The following ARHGAP26 variants were observed in gnomAD, a reference collection of about 807,000 sequenced individuals.
ARHGAP26 encodes rho GTPase-activating protein 26.
Under a neutral mutation model 104.8 loss-of-function variants are expected in ARHGAP26, and 38 were observed. The observed-to-expected ratio is 0.36, with a 90% CI of 0.28 to 0.48. The LOEUF (loss-of-function observed/expected upper bound fraction) is 0.48, where lower values mean the gene tolerates loss of function less well. ARHGAP26 is among the 20% of genes least tolerant of loss of function. The probability of loss-of-function intolerance (pLI) is 0.99; values close to 1 mark genes in which losing one functional copy is unlikely to be tolerated. For synonymous variants in ARHGAP26, 341 were observed against 340.0 expected (o/e 1.00, Z -0.03); for missense variants, 704 against 947.9 (o/e 0.74, Z 3.38).
rs1369974932 is a variant in ARHGAP26 at position 143,227,787 on chromosome 5, A to G, written c.*5341A>G. On this transcript the variant is annotated 3_prime_UTR_variant, in exon 23 of 23. Transcript: ENST00000645722. ...AAAGTAACACCAGGACTAGAGAGAA[A>G]GAGAAAGGTGAACCATCCTAAGGAG... The G allele has an allele frequency of 4.5e-6, 1 of 224,224 alleles. No homozygotes were observed. Among genetic ancestry groups the G allele is most frequent in the Non-Finnish European group, 8.9e-6 (1 of 112,592 alleles). The allele number at this position is 224,224 out of a possible 1,614,324, so 13.9% of individuals were successfully genotyped here. A position where few individuals can be genotyped will look rare whatever the true frequency, so the allele number is the denominator to read the frequency against.
At chr5:143,154,062 C>T (rs1263068817) in intron 20 of ARHGAP26, among the ~76,000 whole-genome samples, 2 of 151,384 alleles carry the variant, frequency 1.3e-5, no homozygotes, top group East Asian at 1.9e-4. Flanking sequence ...TAATCTTCCA[C>T]TTTAGTTGGT....
chr5:143,019,402 G>T (rs1038168604), intron 12 of ARHGAP26, among the ~76,000 whole-genome samples: 1 of 151,904 alleles, frequency 6.6e-6, no homozygotes, highest in Admixed American at 6.5e-5. Flanking sequence ...CATCTCACCC[G>T]CTGCAGCCCC....
At chr5:143,086,252 C>A (rs1790571539) in intron 17 of ARHGAP26, among the ~76,000 whole-genome samples, 1 of 152,212 alleles carries the variant, frequency 6.6e-6, no homozygotes, top group African/African-American at 2.4e-5. Context: ...TAGAAAACTT[C>A]CAGTCCCCTC....
rs993353386 is a variant in ARHGAP26 at position 142,954,818 on chromosome 5, T to C, written c.1107+22693T>C. Among the ~76,000 whole-genome samples the C allele has an allele frequency of 6.6e-5, 10 of 152,002 alleles. No individual in the cohort carries two copies. In the East Asian group the frequency reaches 1.9e-3, roughly 29 times the overall value. Reference sequence around the variant, plus strand: ...AGACACTGCAGTATCTGTCTAAGGGTTTTTCTTTGTTTAGGAATGTGCAGT... The same window carrying C: ...AGACACTGCAGTATCTGTCTAAGGGCTTTTCTTTGTTTAGGAATGTGCAGT... On this transcript the variant is annotated intron_variant, in intron 11 of 22. Coordinates refer to ENST00000645722, the MANE Select transcript of ARHGAP26 (RefSeq NM_001135608.3).
At chr5:143,096,741 A>G (rs905736293) in intron 17 of ARHGAP26, among the ~76,000 whole-genome samples, 2 of 151,528 alleles carry the variant, frequency 1.3e-5, no homozygotes, top group African/African-American at 4.9e-5. Flanking sequence ...GACTATTGGT[A>G]TAACTTGGTA....
At chr5:142,772,962 T>A in intron 1 of ARHGAP26, 1 of 523,018 alleles carries the variant, frequency 1.9e-6, no homozygotes, top group Non-Finnish European at 3.9e-6. Flanking sequence ...AGCTGTCTAA[T>A]GGAATGGATC....
chr5:143,094,860 G>A (rs1265524887), intron 17 of ARHGAP26, among the ~76,000 whole-genome samples: 1 of 152,086 alleles, frequency 6.6e-6, no homozygotes, highest in African/African-American at 2.4e-5. Context: ...GAATGAGTCG[G>A]GGTGGAGCAG....
chr5:142,814,028 AGTTGGCT>A (rs1764636135), intron 1 of ARHGAP26, among the ~76,000 whole-genome samples: 3 of 152,242 alleles, frequency 2.0e-5, no homozygotes, highest in African/African-American at 7.2e-5. Flanking sequence ...GGCTTAGGCA[AGTTGGCT>A]GTTCCTCAGG....
intron 11 of ARHGAP26, among the ~76,000 whole-genome samples, chr5:143,003,097 G>A (rs79605230): frequency 0.011 from 1,719 of 152,290 alleles, 32 homozygotes; most frequent in African/African-American, 0.039. Context: ...CGGGGTAGCG[G>A]AGGAGAAGCA....
At chr5:142,929,264 T>C (rs1205223826) in intron 10 of ARHGAP26, among the ~76,000 whole-genome samples, 1 of 152,146 alleles carries the variant, frequency 6.6e-6, no homozygotes, top group Non-Finnish European at 1.5e-5. Context: ...CTCTCTTCTC[T>C]GTCTCCCCTG....
At chr5:143,056,761 G>A (rs937602092) in intron 16 of ARHGAP26, among the ~76,000 whole-genome samples, 1 of 152,062 alleles carries the variant, frequency 6.6e-6, no homozygotes, top group African/African-American at 2.4e-5. Flanking sequence ...TTATTATGTC[G>A]ATAACTTGTG....
chr5:143,226,157 TC>T lies in ARHGAP26; in HGVS notation c.*3713del, dbSNP rs546780041. ...GGTATTAAGGTCAGCCTCTCACTCT[TC>T]CTTCAGGTTACTAACAAAATTTCGT... On this transcript the variant is annotated 3_prime_UTR_variant, in exon 23 of 23. Coordinates refer to ENST00000645722, the MANE Select transcript of ARHGAP26 (RefSeq NM_001135608.3). 2.1e-5 allele frequency: 4 copies of T among 190,296 alleles called. No homozygotes were observed. Among genetic ancestry groups the T allele is most frequent in the Non-Finnish European group, 3.3e-5 (3 of 90,744 alleles). The allele number at this position is 190,296 out of a possible 1,614,324, so 11.8% of individuals were successfully genotyped here.
At chr5:143,009,204 T>G (rs1298709622) in intron 11 of ARHGAP26, among the ~76,000 whole-genome samples, 2 of 152,222 alleles carry the variant, frequency 1.3e-5, no homozygotes, top group East Asian at 3.9e-4. Flanking sequence ...AGAAGGCTGT[T>G]CCCAGTTTCA....
chr5:143,065,326 C>A (rs766770717), intron 17 of ARHGAP26, among the ~76,000 whole-genome samples: 1 of 152,154 alleles, frequency 6.6e-6, no homozygotes, highest in Non-Finnish European at 1.5e-5. Context: ...TCTCTTGCTG[C>A]ATCCTCTTTG....
chr5:143,037,111 T>C (rs536680264), intron 12 of ARHGAP26, 85 bp from the exon 13 acceptor site: 97 of 992,296 alleles, frequency 9.8e-5, no homozygotes, highest in Non-Finnish European at 1.2e-4. Context: ...CAGCATGCGA[T>C]TGATTCATCC....
chr5:142,878,613 T>C (rs1338006553), intron 3 of ARHGAP26, among the ~76,000 whole-genome samples: 3 of 151,936 alleles, frequency 2.0e-5, no homozygotes, highest in East Asian at 1.9e-4. Flanking sequence ...GGGAGGGAAG[T>C]TGAGTTATGT....
At chr5:143,020,080 A>G (rs930029922) in intron 12 of ARHGAP26, among the ~76,000 whole-genome samples, 2 of 151,970 alleles carry the variant, frequency 1.3e-5, no homozygotes, top group African/African-American at 4.8e-5. Context: ...TTTTCCTGTT[A>G]CTCCCACCTG....
At chr5:143,176,014 C>T (rs1803427988) in intron 20 of ARHGAP26, among the ~76,000 whole-genome samples, 1 of 151,858 alleles carries the variant, frequency 6.6e-6, no homozygotes, top group Admixed American at 6.6e-5. Flanking sequence ...CTCAGGAGGC[C>T]GAGGCATGGG....
At position 142,894,970 on chromosome 5, in the gene ARHGAP26, CTTTAG is replaced by C. The variant is rs1324832964; in HGVS notation, c.597+628_597+632del. Among the ~76,000 whole-genome samples, 12 of 152,316 alleles carry C rather than the reference CTTTAG, an allele frequency of 7.9e-5. No homozygotes were observed. In the East Asian group the frequency reaches 1.5e-3, roughly 20 times the overall value. The stretch of plus-strand genomic sequence containing the variant: ...GATTGCATTGTGGGAAAAAGCCTGA[CTTTAG>C]TTTAGGCCACACCAGCATGGTTGTG... On this transcript the variant is annotated intron_variant, in intron 6 of 22. Coordinates refer to ENST00000645722, the MANE Select transcript of ARHGAP26 (RefSeq NM_001135608.3).
Sources: gnomAD v4.1 joint callset for allele counts (sites outside exome capture counted in the v4.1 genomes callset) on GRCh38, gnomAD v4.1.1 for gene constraint, MANE v1.5 for transcripts, NCBI Gene and HGNC (gene_info 2026-07-23, HGNC 2026-07-21) for gene names.